Variants in SPPL2A observed in about 807,000 individuals in gnomAD.
SPPL2A encodes the protein signal peptide peptidase-like 2A.
A neutral mutation model predicts 63.8 loss-of-function variants in SPPL2A; 51 were observed. The observed-to-expected ratio is 0.80, with a 90% CI of 0.64 to 1.01. The LOEUF (loss-of-function observed/expected upper bound fraction) is 1.01. Among genes scored for constraint, SPPL2A ranks in the 50% least tolerant of loss-of-function variants. The probability of loss-of-function intolerance (pLI) is 0.00; values close to 1 mark genes in which losing one functional copy is unlikely to be tolerated. For missense variants in SPPL2A, 553 were observed against 622.7 expected (o/e 0.89, Z 1.19); for synonymous variants, 188 against 205.8 (o/e 0.91, Z 0.74).
rs541921592 is a variant in SPPL2A at position 50,748,803 on chromosome 15, C to G, written c.245G>C (p.Gly82Ala). 6.2e-7 allele frequency: 1 copy of G among 1,611,566 alleles called. No individual in the cohort carries two copies. Among genetic ancestry groups the G allele is most frequent in the Non-Finnish European group, 8.5e-7 (1 of 1,178,994 alleles). Residue 82 changes from glycine to alanine, a missense_variant, in exon 3 of 15, where the codon GGC (glycine) becomes GCC (alanine). Coordinates refer to ENST00000261854, the MANE Select transcript of SPPL2A (RefSeq NM_032802.4). ...LCNLSDIPPV[G>A]IKSKAVVVPW... ...AACCACAACTGCTTTGCTCTTTATG[C>G]CAACAGGAGGAATATCAGAAAGGTT...
rs1175718138 is a variant in SPPL2A, at chr15:50,706,381, C to G, written c.*1419G>C. 5.9e-5 allele frequency: 7 copies of G among 118,804 alleles called. No homozygotes were observed. Among genetic ancestry groups the G allele is most frequent in the African/African-American group, 2.1e-4 (7 of 32,754 alleles). The allele number at this position is 118,804 out of a possible 1,614,324, so 7.4% of individuals were successfully genotyped here. ...CTCCAGCCTGGGCGACAGAGCGAGA[C>G]TCCGTCTCAAAAAAAAAAAAAAAAA... is the stretch of plus-strand genomic sequence containing the variant. On this transcript the variant is annotated 3_prime_UTR_variant, in exon 15 of 15. Transcript: ENST00000261854.
chr15:50,748,832 T>C lies in SPPL2A; in HGVS notation c.216A>G (p.Leu72=), dbSNP rs757828825. The C allele has an allele frequency of 4.4e-6, 7 of 1,607,234 alleles. No homozygotes were observed. The highest frequency in any genetic ancestry group is 5.1e-6 in the Non-Finnish European group (6 of 1,177,640). The change falls in exon 3 of 15, where the codon CTA becomes CTG. Residue 72 remains leucine (L), a synonymous_variant. Coordinates refer to ENST00000261854, the MANE Select transcript of SPPL2A (RefSeq NM_032802.4). The stretch of plus-strand genomic sequence containing the variant: ...CAGGAGGAATATCAGAAAGGTTGCA[T>C]AGTGGTGTGGAAGTCAGATTCATCA... ...ISLMNLTSTP[L]CNLSDIPPVG...
intron 1 of SPPL2A, among the ~76,000 whole-genome samples, chr15:50,757,899 G>A (rs746529023): frequency 2.2e-4 from 33 of 150,842 alleles, no homozygotes; most frequent in Non-Finnish European, 4.1e-4. Context: ...CCTGAGAATC[G>A]CTTGAACCCA....
At chr15:50,734,600 C>T (rs1183993500) in intron 8 of SPPL2A, among the ~76,000 whole-genome samples, 2 of 152,008 alleles carry the variant, frequency 1.3e-5, no homozygotes, top group African/African-American at 4.8e-5. Flanking sequence ...TAAATAAGAT[C>T]TAGTGTTTGG....
At chr15:50,727,653 T>G (rs2062696468) in intron 10 of SPPL2A, among the ~76,000 whole-genome samples, 1 of 152,182 alleles carries the variant, frequency 6.6e-6, no homozygotes, top group African/African-American at 2.4e-5. Context: ...ATTGCTGTAC[T>G]CTTATGGTGA....
In SPPL2A at chr15:50,733,170, C is replaced by T. The variant is rs75008004; in HGVS notation, c.933-486G>A. On this transcript the variant is annotated intron_variant, in intron 8 of 14. Transcript: ENST00000261854. ...TGTTAACAAAATACCAGTGTTAACA[C>T]AGATCCAAATAGCTTGAACATAAAG... Among the ~76,000 whole-genome samples, 429 of 152,242 alleles carry T rather than the reference C, an allele frequency of 2.8e-3. 1 individual carries two copies. Among genetic ancestry groups the T allele is most frequent in the African/African-American group, 9.8e-3 (408 of 41,528 alleles).
chr15:50,757,238 G>A (rs1398916965), intron 1 of SPPL2A, among the ~76,000 whole-genome samples: 2 of 151,888 alleles, frequency 1.3e-5, no homozygotes, highest in Non-Finnish European at 2.9e-5. Flanking sequence ...GGCCGCCACT[G>A]CGCCCGGCTA....
intron 5 of SPPL2A, among the ~76,000 whole-genome samples, chr15:50,746,350 A>C (rs2062856986): frequency 6.6e-6 from 1 of 150,648 alleles, no homozygotes; most frequent in Admixed American, 6.7e-5. Context: ...AGGCAGGAGA[A>C]TCACTTGAAC....
At chr15:50,727,029 A>G (rs1329582260) in intron 10 of SPPL2A, among the ~76,000 whole-genome samples, 4 of 152,098 alleles carry the variant, frequency 2.6e-5, no homozygotes, top group Non-Finnish European at 5.9e-5. Flanking sequence ...GTGCCTGGAT[A>G]AAGTCTTTTT....
intron 1 of SPPL2A, among the ~76,000 whole-genome samples, chr15:50,761,020 G>A (rs2063006196): frequency 6.6e-6 from 1 of 151,912 alleles, no homozygotes; most frequent in Admixed American, 6.6e-5. Context: ...GTGTGTGTGT[G>A]TGTTTTTAGA....
intron 11 of SPPL2A, chr15:50,726,054 T>C: frequency 7.1e-7 from 1 of 1,413,746 alleles, no homozygotes; most frequent in Non-Finnish European, 9.4e-7. Context: ...AATGAACATA[T>C]CTAAAATACA....
intron 8 of SPPL2A, among the ~76,000 whole-genome samples, chr15:50,734,880 C>T (rs1023479420): frequency 6.6e-6 from 1 of 152,072 alleles, no homozygotes; most frequent in Non-Finnish European, 1.5e-5. Context: ...CTTTATATAT[C>T]ATAGAGTATA....
chr15:50,726,001 C>T, intron 11 of SPPL2A: 2 of 1,019,940 alleles, frequency 2.0e-6, no homozygotes, highest in Non-Finnish European at 2.6e-6. Context: ...TTTTTTTTTC[C>T]CCCAAAGAAG....
chr15:50,711,286 T>C (rs1253919140), intron 14 of SPPL2A, among the ~76,000 whole-genome samples: 1 of 150,420 alleles, frequency 6.6e-6, no homozygotes, highest in African/African-American at 2.4e-5. Context: ...CTCGGCTCAC[T>C]GCAACCTCCG....
chr15:50,726,450 A>C lies in SPPL2A; in HGVS notation c.1090-73T>G, dbSNP rs543588597. On this transcript the variant is annotated intron_variant, in intron 10 of 14. Coordinates refer to ENST00000261854, the MANE Select transcript of SPPL2A (RefSeq NM_032802.4). ...ATCTGCCACTATTCAAGTGTGATTT[A>C]AGCCCCATGGCATATGGCCAGTTAC... is the stretch of plus-strand genomic sequence containing the variant. 2.9e-6 allele frequency: 4 copies of C among 1,403,260 alleles called. No homozygotes were observed. The East Asian group carries it at 9.3e-5, about 32-fold the overall frequency. 86.9% of individuals were successfully genotyped at this position (1,403,260 alleles called of 1,614,324 possible).
intron 5 of SPPL2A, 103 bp downstream of exon 5, chr15:50,747,392 T>C (rs1315200427): frequency 1.7e-5 from 16 of 953,022 alleles, no homozygotes; most frequent in Non-Finnish European, 2.5e-5. Flanking sequence ...ACTGGCATCA[T>C]ATTCTGAGGG....
At chr15:50,709,459 T>C (rs1279484214) in intron 14 of SPPL2A, among the ~76,000 whole-genome samples, 1 of 152,172 alleles carries the variant, frequency 6.6e-6, no homozygotes, top group Non-Finnish European at 1.5e-5. Flanking sequence ...CTAAGGCTTT[T>C]GGCTGACAAC....
At chr15:50,749,334 C>T (rs2062886444) in intron 2 of SPPL2A, among the ~76,000 whole-genome samples, 2 of 152,100 alleles carry the variant, frequency 1.3e-5, no homozygotes, top group South Asian at 4.1e-4. Context: ...GTTGCCCAGG[C>T]TGGAGTGCAG....
At chr15:50,753,904 G>A (rs554977395) in intron 1 of SPPL2A, among the ~76,000 whole-genome samples, 1 of 151,996 alleles carries the variant, frequency 6.6e-6, no homozygotes, top group East Asian at 1.9e-4. Flanking sequence ...TCAAGCAATT[G>A]TCCTGCCTCA....
Sources: allele counts gnomAD v4.1 joint callset (sites outside exome capture counted in the v4.1 genomes callset), GRCh38; gene constraint gnomAD v4.1.1; transcripts MANE v1.5; gene names NCBI Gene and HGNC (gene_info 2026-07-23, HGNC 2026-07-21).